Variants in CFAP95 observed in about 807,000 individuals in gnomAD.
The protein encoded by CFAP95 is cilia- and flagella-associated protein 95.
the CFAP95 span, among the ~76,000 whole-genome samples, chr9:69,900,227 C>T: frequency 2.9e-4 from 44 of 152,046 alleles, no homozygotes; most frequent in African/African-American, 9.9e-4. Context: ...ATACACCATA[C>T]TCTTTTCTCC....
At chr9:69,888,366 T>G in the CFAP95 span, among the ~76,000 whole-genome samples, 2 of 152,142 alleles carry the variant, frequency 1.3e-5, no homozygotes, top group African/African-American at 4.8e-5. Context: ...TTTAATATAC[T>G]TAATATATAT....
At chr9:69,849,194 A>T in the CFAP95 span, among the ~76,000 whole-genome samples, 1 of 152,166 alleles carries the variant, frequency 6.6e-6, no homozygotes, top group South Asian at 2.1e-4. Context: ...AGCTCTATGA[A>T]AGTGGGGAGT....
At chr9:69,844,321 T>C in the CFAP95 span, among the ~76,000 whole-genome samples, 2 of 152,244 alleles carry the variant, frequency 1.3e-5, no homozygotes, top group African/African-American at 4.8e-5. Flanking sequence ...TTATCACTTA[T>C]GCTAGGTTGC....
the CFAP95 span, among the ~76,000 whole-genome samples, chr9:69,883,831 A>C: frequency 9.1e-5 from 1 of 11,044 alleles, no homozygotes; most frequent in African/African-American, 1.0e-4. Context: ...TTAAAAAAAA[A>C]CAATTAAAAA....
chr9:69,832,418 G>A, the CFAP95 span, among the ~76,000 whole-genome samples: 2 of 152,094 alleles, frequency 1.3e-5, no homozygotes, highest in Non-Finnish European at 2.9e-5. Flanking sequence ...AGTGTGGCGC[G>A]TGTAATGTGG....
the CFAP95 span, among the ~76,000 whole-genome samples, chr9:69,855,749 C>T: frequency 6.6e-5 from 10 of 152,092 alleles, no homozygotes; most frequent in Non-Finnish European, 1.0e-4. Flanking sequence ...GCAAAATGGA[C>T]CCAAAGCATC....
chr9:69,895,197 A>T, the CFAP95 span, among the ~76,000 whole-genome samples: 139 of 152,296 alleles, frequency 9.1e-4, no homozygotes, highest in African/African-American at 3.1e-3. Flanking sequence ...GGGCTCATTG[A>T]ATCAGTTTAT....
chr9:69,827,854 C>T, the CFAP95 span, among the ~76,000 whole-genome samples: 1 of 152,204 alleles, frequency 6.6e-6, no homozygotes, highest in Admixed American at 6.5e-5. Flanking sequence ...CACCTCTACC[C>T]TCAACATGGT....
chr9:69,849,967 A>G, the CFAP95 span, among the ~76,000 whole-genome samples: 2 of 152,172 alleles, frequency 1.3e-5, no homozygotes, highest in Non-Finnish European at 1.5e-5. Flanking sequence ...AATCATCAAG[A>G]GTATGTCTAT....
chr9:69,859,637 T>C, the CFAP95 span, among the ~76,000 whole-genome samples: 3 of 152,150 alleles, frequency 2.0e-5, no homozygotes, highest in Non-Finnish European at 2.9e-5. Flanking sequence ...TCTAGGTGGG[T>C]CATTATTTCA....
chr9:69,838,675 CA>C, the CFAP95 span, among the ~76,000 whole-genome samples: 3 of 151,932 alleles, frequency 2.0e-5, no homozygotes, highest in Non-Finnish European at 2.9e-5. Context: ...ATGTCGTCTG[CA>C]AACTGGGACA....
chr9:69,898,129 C>A, the CFAP95 span, among the ~76,000 whole-genome samples: 1 of 152,138 alleles, frequency 6.6e-6, no homozygotes, highest in East Asian at 1.9e-4. Context: ...GAAAATGCAC[C>A]CTCAAGGGTG....
the CFAP95 span, chr9:69,858,002 A>G: frequency 1.1e-5 from 17 of 1,603,578 alleles, no homozygotes; most frequent in Non-Finnish European, 1.4e-5. Flanking sequence ...AACTGCTACA[A>G]CTGTACAAAA....
the CFAP95 span, among the ~76,000 whole-genome samples, chr9:69,897,887 C>T: frequency 6.6e-6 from 1 of 152,084 alleles, no homozygotes; most frequent in Non-Finnish European, 1.5e-5. Context: ...CCTGCCTTGC[C>T]ATGATCTGAG....
the CFAP95 span, among the ~76,000 whole-genome samples, chr9:69,822,271 T>G: frequency 0.047 from 7,221 of 152,300 alleles, 565 homozygotes; most frequent in African/African-American, 0.16. Context: ...ACTCTAGCCC[T>G]AAGGCTAAGC....
At chr9:69,890,046 G>A in the CFAP95 span, among the ~76,000 whole-genome samples, 1 of 152,074 alleles carries the variant, frequency 6.6e-6, no homozygotes, top group Admixed American at 6.5e-5. Context: ...TGTAACAAGT[G>A]TGATGGTTTA....
the CFAP95 span, among the ~76,000 whole-genome samples, chr9:69,841,159 CTGGATT>C: frequency 3.5e-5 from 1 of 28,964 alleles, no homozygotes; most frequent in Non-Finnish European, 8.0e-5. Context: ...ATAATCCAAG[CTGGATT>C]ATATATATAT....
At chr9:69,837,417 G>A in the CFAP95 span, among the ~76,000 whole-genome samples, 1 of 151,912 alleles carries the variant, frequency 6.6e-6, no homozygotes, top group Non-Finnish European at 1.5e-5. Flanking sequence ...TTTAATGATT[G>A]CCATTCTAAC....
At chr9:69,886,497 T>C in the CFAP95 span, among the ~76,000 whole-genome samples, 2 of 152,170 alleles carry the variant, frequency 1.3e-5, no homozygotes, top group Non-Finnish European at 2.9e-5. Flanking sequence ...TTAGCTAAGA[T>C]GAAAAAGGCA....
Sources: gnomAD v4.1 joint callset for allele counts (sites outside exome capture counted in the v4.1 genomes callset) on GRCh38, gnomAD v4.1.1 for gene constraint, MANE v1.5 for transcripts, NCBI Gene and HGNC (gene_info 2026-07-23, HGNC 2026-07-21) for gene names.